The following IL11RA variants were observed in gnomAD, a reference collection of about 807,000 sequenced individuals.
IL11RA encodes the protein interleukin-11 receptor subunit alpha.
IL11RA carries 51 observed loss-of-function variants against 57.0 expected under a neutral mutation model. The observed-to-expected ratio is 0.89, with a 90% CI of 0.71 to 1.13. The LOEUF (loss-of-function observed/expected upper bound fraction) is 1.13, where lower values mean the gene tolerates loss of function less well. Ranked by LOEUF, IL11RA falls within the 50% of genes most tolerant of loss-of-function variation. The probability of loss-of-function intolerance (pLI) is 0.00; values close to 1 mark genes in which losing one functional copy is unlikely to be tolerated. For synonymous variants in IL11RA, 199 were observed against 217.5 expected (o/e 0.91, Z 0.75); for missense variants, 498 against 539.4 (o/e 0.92, Z 0.76).
chr9:34,658,700 G>A lies in IL11RA; in HGVS notation c.810+17G>A, dbSNP rs374897309. 69 of 1,609,574 alleles carry A rather than the reference G, an allele frequency of 4.3e-5. No individual in the cohort carries two copies. The highest frequency in any genetic ancestry group is 3.3e-4 in the Middle Eastern group (2 of 6,062). ...TGGTCCACGGTGAGGCCTGGAGTGC[G>A]TCCCAACCCACGGCTGTGGGTCCTG... On this transcript the variant is annotated intron_variant, in intron 8 of 12. Transcript: ENST00000441545. The surrounding 1 kb of genome is among the most constrained non-coding windows in gnomAD (Gnocchi z 4.0).
At chr9:34,656,993 C>T in intron 4 of IL11RA, 42 bp from the exon 5 acceptor site, 1 of 1,609,616 alleles carries the variant, frequency 6.2e-7, no homozygotes, top group Non-Finnish European at 8.5e-7. Flanking sequence ...ACCAGGAGGA[C>T]CTGAGGACTG....
In IL11RA at chr9:34,655,628, A is replaced by G; in HGVS notation, c.124A>G (p.Arg42Gly). Reference sequence around the variant, plus strand: ...AGGGGTCCAGTATGGGCAGCCAGGCAGGTCCGTGAAGCTGTGTTGTCCTGG... The same window carrying G: ...AGGGGTCCAGTATGGGCAGCCAGGCGGGTCCGTGAAGCTGTGTTGTCCTGG... ...PPGVQYGQPG[R>G]SVKLCCPGVT... Residue 42 changes from arginine (R) to glycine (G), a missense_variant, in exon 3 of 13, where the codon AGG (arginine) becomes GGG (glycine). By Grantham distance (125) the Arg-to-Gly change is moderately radical (BLOSUM62 -2). Transcript: ENST00000441545. The G allele has an allele frequency of 6.2e-7, 1 of 1,614,150 alleles. No homozygotes were observed. The highest frequency in any genetic ancestry group is 8.5e-7 in the Non-Finnish European group (1 of 1,180,024).
At position 34,655,238 on chromosome 9, in the gene IL11RA, G is replaced by A. The variant is rs1175275341; in HGVS notation, c.21G>A (p.Gly7=). ...CACAGATGAGCAGCAGCTGCTCAGG[G>A]CTGAGCAGGGTCCTGGTGGCCGTGG... is the stretch of plus-strand genomic sequence containing the variant. MSSSCS[G]LSRVLVAVAT... The change falls in exon 2 of 13, where the codon GGG becomes GGA. Residue 7 remains glycine, a synonymous_variant. Transcript: ENST00000441545. 1 of 1,611,440 alleles carries A rather than the reference G, an allele frequency of 6.2e-7. No homozygotes were observed. The highest frequency in any genetic ancestry group is 8.5e-7 in the Non-Finnish European group (1 of 1,178,700).
At chr9:34,652,949 C>A (rs1587243541) in intron 1 of IL11RA, among the ~76,000 whole-genome samples, 1 of 152,150 alleles carries the variant, frequency 6.6e-6, no homozygotes, top group Non-Finnish European at 1.5e-5. Flanking sequence ...ACTAGAGATA[C>A]CTCTGTGTGT....
rs760608313 is a variant in IL11RA, at chr9:34,657,602, C to G, written c.646+15C>G. ...GCAGAGCATCTGTGAGTACCCACCC[C>G]AGACCTCCCCCAGACCCCCATCACA... On this transcript the variant is annotated intron_variant, in intron 7 of 12. Coordinates refer to ENST00000441545, the MANE Select transcript of IL11RA (RefSeq NM_001142784.3). The G allele has an allele frequency of 2.5e-6, 4 of 1,613,176 alleles. No individual in the cohort carries two copies. The Admixed American group carries it at 6.7e-5, about 27-fold the overall frequency.
chr9:34,657,378 C>T (rs755888812), intron 6 of IL11RA, 43 bp downstream of exon 6: 3 of 1,614,164 alleles, frequency 1.9e-6, no homozygotes, highest in Non-Finnish European at 2.5e-6. Flanking sequence ...CTGGGTCCCA[C>T]AGTAGGCATT....
intron 9 of IL11RA, 116 bp from the exon 10 acceptor site, chr9:34,660,158 T>C: frequency 6.7e-7 from 1 of 1,485,824 alleles, no homozygotes. Flanking sequence ...CCATGCCCTA[T>C]CAGGCTCCTC....
chr9:34,659,886 G>A lies in IL11RA; in HGVS notation c.938G>A (p.Gly313Glu). 1 of 1,614,172 alleles carries A rather than the reference G, an allele frequency of 6.2e-7. No homozygotes were observed. Among genetic ancestry groups the A allele is most frequent in the Admixed American group, 1.7e-5 (1 of 60,030 alleles). ...AGCACCTGGAGCCCGGAGGCCTGGG[G>A]AACTCCGAGCACTGGTGAGAGACAA... ...TWSTWSPEAW[G>E]TPSTGTIPKE... Residue 313 changes from glycine to glutamate, a missense_variant, in exon 9 of 13, where the codon GGA becomes GAA. Coordinates refer to ENST00000441545, the MANE Select transcript of IL11RA (RefSeq NM_001142784.3).
At position 34,661,653 on chromosome 9, in the gene IL11RA, C is replaced by T; in HGVS notation, c.*155C>T. The T allele has an allele frequency of 2.3e-6, 2 of 859,266 alleles. No homozygotes were observed. The highest frequency in any genetic ancestry group is 2.8e-5 in the South Asian group (2 of 72,164). 53.2% of individuals were successfully genotyped at this position (859,266 alleles called of 1,614,324 possible). On this transcript the variant is annotated 3_prime_UTR_variant, in exon 13 of 13. Transcript: ENST00000441545. ...GAGACCCTGTATTTCAAATTTGCAGCTGAAAGGTGCTTGTACCTCTGATTT... is the reference window on the plus strand; with the variant it reads ...GAGACCCTGTATTTCAAATTTGCAGTTGAAAGGTGCTTGTACCTCTGATTT...
chr9:34,658,526 C>G lies in IL11RA; in HGVS notation c.653C>G (p.Pro218Arg). The G allele has an allele frequency of 6.2e-7, 1 of 1,614,192 alleles. No individual in the cohort carries two copies. The highest frequency in any genetic ancestry group is 2.2e-5 in the East Asian group (1 of 44,890). Residue 218 changes from proline to arginine, a missense_variant, in exon 8 of 13, where the codon CCT (proline) becomes CGT (arginine). By Grantham distance (103) the Pro-to-Arg change is moderately radical. Transcript: ENST00000441545. The surrounding 1 kb of genome is among the most constrained non-coding windows in gnomAD (Gnocchi z 4.0). ...LDVSLQSILR[P>R]DPPQGLRVES... ...TGTGTCTTGATGCCCTTAGTGCGCC[C>G]TGACCCACCCCAGGGCCTGCGGGTA...
intron 2 of IL11RA, 109 bp downstream of exon 2, chr9:34,655,426 C>A: frequency 1.2e-6 from 1 of 866,502 alleles, no homozygotes; most frequent in Non-Finnish European, 1.9e-6. Flanking sequence ...CTCCTGTCAT[C>A]CAACCTGGGT....
At position 34,658,164 on chromosome 9, in the gene IL11RA, C is replaced by T. The variant is rs1248118902; in HGVS notation, c.647-356C>T. 6.6e-6 allele frequency among the ~76,000 whole-genome samples: 1 copy of T among 152,156 alleles called. No individual in the cohort carries two copies. The highest frequency in any genetic ancestry group is 6.5e-5 in the Admixed American group (1 of 15,278). On this transcript the variant is annotated intron_variant, in intron 7 of 12. Coordinates refer to ENST00000441545, the MANE Select transcript of IL11RA (RefSeq NM_001142784.3). The surrounding 1 kb of genome is among the most constrained non-coding windows in gnomAD (Gnocchi z 4.0). ...CAAGCTATCCCCTCACCTCAGCCTC[C>T]CAAGTAGCTGGGATTACAGGCATGT...
At position 34,661,719 on chromosome 9, in the gene IL11RA, G is replaced by A. The variant is rs1821461021; in HGVS notation, c.*221G>A. The A allele has an allele frequency of 1.4e-5, 10 of 698,044 alleles. No homozygotes were observed. Among genetic ancestry groups the A allele is most frequent in the South Asian group, 1.0e-4 (6 of 59,694 alleles). The allele number at this position is 698,044 out of a possible 1,614,324, so 43.2% of individuals were successfully genotyped here. ...GTTCTGCTCAAGGAACGTGTGTAAT[G>A]TGTACATCTGTGTCCATGTGTGACC... On this transcript the variant is annotated 3_prime_UTR_variant, in exon 13 of 13. Transcript: ENST00000441545.
In IL11RA at chr9:34,657,438, G is replaced by A; in HGVS notation, c.497G>A (p.Gly166Glu). 6.2e-7 allele frequency: 1 copy of A among 1,614,152 alleles called. No individual in the cohort carries two copies. The highest frequency in any genetic ancestry group is 8.5e-7 in the Non-Finnish European group (1 of 1,180,014). The change falls in exon 7 of 13, where the codon GGG becomes GAG. Residue 166 changes from glycine to glutamate, a missense_variant. Transcript: ENST00000441545. ...ADSQRRSPST[G>E]PWPCPQDPLG... is the part of the protein sequence containing the mutation. ...CCTTCTAGGAGGAGTCCATCCACAG[G>A]GCCCTGGCCATGCCCACAGGATCCC...
rs1314850921 is a variant in IL11RA, at chr9:34,652,185, A to AGAGGGCGAGGGC, written c.-42_-31dup. On this transcript the variant is annotated 5_prime_UTR_variant, in exon 1 of 13. Transcript: ENST00000441545. Reference sequence around the variant, plus strand: ...GGCGGGAGGGAGTAGAGGCCGGGGCAGAGGGCGAGGGCGAGGGCAGAGGGC... The same window carrying AGAGGGCGAGGGC: ...GGCGGGAGGGAGTAGAGGCCGGGGCAGAGGGCGAGGGCGAGGGCGAGGGCGAGGGCAGAGGGC... The AGAGGGCGAGGGC allele has an allele frequency of 6.5e-6, 1 of 153,316 alleles. No individual in the cohort carries two copies. Among genetic ancestry groups the AGAGGGCGAGGGC allele is most frequent in the East Asian group, 1.9e-4 (1 of 5,204 alleles). The allele number at this position is 153,316 out of a possible 1,614,324, so 9.5% of individuals were successfully genotyped here. A position where few individuals can be genotyped will look rare whatever the true frequency, so the allele number is the denominator to read the frequency against.
At position 34,658,885 on chromosome 9, in the gene IL11RA, G is replaced by A. The variant is rs1745815123; in HGVS notation, c.810+202G>A. Among the ~76,000 whole-genome samples, 1 of 152,090 alleles carries A rather than the reference G, an allele frequency of 6.6e-6. No individual in the cohort carries two copies. The highest frequency in any genetic ancestry group is 1.5e-5 in the Non-Finnish European group (1 of 67,996). On this transcript the variant is annotated intron_variant, in intron 8 of 12. Transcript: ENST00000441545. This position sits in a 1 kb window ranked among gnomAD's most constrained non-coding sequence, Gnocchi z 4.0. The stretch of plus-strand genomic sequence containing the variant: ...TGTCCTGTGGGGCTATAACTATGAG[G>A]TAAAGCACATCTGTGGGAAGATAGC...
chr9:34,655,469 C>G (rs1017142464), intron 2 of IL11RA, 136 bp from the exon 3 acceptor site: 5 of 898,192 alleles, frequency 5.6e-6, no homozygotes, highest in Non-Finnish European at 7.3e-6. Context: ...ACCTCTGTCT[C>G]CAGATTATAA....
intron 1 of IL11RA, among the ~76,000 whole-genome samples, chr9:34,654,392 G>A (rs1017124727): frequency 5.9e-5 from 9 of 151,998 alleles, no homozygotes; most frequent in African/African-American, 9.7e-5. Context: ...CCCCATGCCT[G>A]TCCCTGCAGG....
chr9:34,657,068 C>T lies in IL11RA; in HGVS notation c.365C>T (p.Ala122Val). The T allele has an allele frequency of 6.2e-7, 1 of 1,614,162 alleles. No individual in the cohort carries two copies. The highest frequency in any genetic ancestry group is 8.5e-7 in the Non-Finnish European group (1 of 1,180,030). The change falls in exon 5 of 13, where the codon GCA becomes GTA. Residue 122 changes from alanine to valine, a missense_variant. Ala to Val is a moderately conservative substitution (Grantham distance 64). Coordinates refer to ENST00000441545, the MANE Select transcript of IL11RA (RefSeq NM_001142784.3). Reference sequence around the variant, plus strand: ...GCCCGCCCTGTTGTCTCCTGCCAAGCAGCCGACTATGAGAACTTCTCTTGC... The same window carrying T: ...GCCCGCCCTGTTGTCTCCTGCCAAGTAGCCGACTATGAGAACTTCTCTTGC... Reference protein sequence around the residue: ...PPARPVVSCQAADYENFSCTW... With the variant: ...PPARPVVSCQVADYENFSCTW...
Sources: allele counts gnomAD v4.1 joint callset (sites outside exome capture counted in the v4.1 genomes callset), GRCh38; gene constraint gnomAD v4.1.1; non-coding constraint Gnocchi (gnomAD v3.1); transcripts MANE v1.5; gene names NCBI Gene and HGNC (gene_info 2026-07-23, HGNC 2026-07-21).